The following DGAT2 variants were observed in gnomAD, a reference collection of about 807,000 sequenced individuals.
DGAT2 encodes diacylglycerol O-acyltransferase 2, also known as acyl-CoA retinol O-fatty-acyltransferase.
DGAT2 carries 33 observed loss-of-function variants against 48.4 expected under a neutral mutation model. That is an observed-to-expected ratio of 0.68 (90% confidence interval 0.52 to 0.91). The LOEUF (loss-of-function observed/expected upper bound fraction) is 0.91. Among genes scored for constraint, DGAT2 ranks in the 40% least tolerant of loss-of-function variants. The pLI is 0.00. For missense variants in DGAT2, 446 were observed against 493.7 expected (o/e 0.90, Z 0.92); for synonymous variants, 191 against 194.1 (o/e 0.98, Z 0.13).
rs751170160 is a variant in DGAT2, at chr11:75,786,071, TTA to T, written c.250+1331_250+1332del. 2.6e-5 allele frequency among the ~76,000 whole-genome samples: 4 copies of T among 152,080 alleles called. No homozygotes were observed. The South Asian group carries it at 8.3e-4, about 32-fold the overall frequency. On this transcript the variant is annotated intron_variant, in intron 2 of 7. Coordinates refer to ENST00000228027, the MANE Select transcript of DGAT2 (RefSeq NM_032564.5). ...TGAACCCTTAAAATTAGATGCAAGA[TTA>T]TATATGAGTATGTGCACATTTTTCT... is the stretch of plus-strand genomic sequence containing the variant.
rs1945058108 is a variant in DGAT2, at chr11:75,796,602, T to A, written c.634+70T>A. 5.3e-6 allele frequency: 8 copies of A among 1,504,376 alleles called. No individual in the cohort carries two copies. In the South Asian group the frequency reaches 1.0e-4, roughly 19 times the overall value. 93.2% of individuals were successfully genotyped at this position (1,504,376 alleles called of 1,614,324 possible). ...GCCTGAGCCTCTCCATCGGGCAGGG[T>A]GACACAGGGAGCCAACACACCATTC... On this transcript the variant is annotated intron_variant, in intron 5 of 7. Transcript: ENST00000228027.
chr11:75,797,824 G>A (rs1004816696), intron 6 of DGAT2, among the ~76,000 whole-genome samples: 14 of 152,196 alleles, frequency 9.2e-5, no homozygotes, highest in Non-Finnish European at 1.9e-4. Context: ...GGGTGGGGGA[G>A]GGTAGAGGGA....
At chr11:75,775,078 G>A (rs933299148) in intron 1 of DGAT2, among the ~76,000 whole-genome samples, 3 of 152,240 alleles carry the variant, frequency 2.0e-5, no homozygotes, top group Non-Finnish European at 2.9e-5. Flanking sequence ...GGAGTAGCCC[G>A]AGGATGGGCT....
In DGAT2 at chr11:75,779,906, C is replaced by A. The variant is rs115169110; in HGVS notation, c.122-4712C>A. ...CCCAGTCTAACTTGGGCATCCAGGC[C>A]TATAGCTGCCTCTGAGGCTGCTCTG... is the stretch of plus-strand genomic sequence containing the variant. On this transcript the variant is annotated intron_variant, in intron 1 of 7. Transcript: ENST00000228027. Among the ~76,000 whole-genome samples, 999 of 152,238 alleles carry A rather than the reference C, an allele frequency of 6.6e-3. 16 individuals are homozygous for A. The highest frequency in any genetic ancestry group is 0.021 in the African/African-American group (873 of 41,516).
intron 7 of DGAT2, among the ~76,000 whole-genome samples, chr11:75,799,833 G>A (rs1555063595): frequency 6.6e-6 from 1 of 151,956 alleles, no homozygotes; most frequent in Non-Finnish European, 1.5e-5. Flanking sequence ...ACCCAGGCTG[G>A]TCTTGAACTC....
chr11:75,796,597 C>T, intron 5 of DGAT2, 65 bp downstream of exon 5: 1 of 1,498,552 alleles, frequency 6.7e-7, no homozygotes, highest in Non-Finnish European at 9.1e-7. Flanking sequence ...CTCCATCGGG[C>T]AGGGTGACAC....
At chr11:75,785,288 A>G (rs1056887217) in intron 2 of DGAT2, among the ~76,000 whole-genome samples, 2 of 152,154 alleles carry the variant, frequency 1.3e-5, no homozygotes, top group African/African-American at 4.8e-5. Flanking sequence ...AGGATTGAAG[A>G]TAAGAAATGA....
At chr11:75,786,960 T>C (rs1348590363) in intron 2 of DGAT2, among the ~76,000 whole-genome samples, 1 of 152,224 alleles carries the variant, frequency 6.6e-6, no homozygotes, top group Non-Finnish European at 1.5e-5. Context: ...TTAAAAAAGC[T>C]GATTAGACAT....
At chr11:75,780,827 C>G (rs953699571) in intron 1 of DGAT2, among the ~76,000 whole-genome samples, 6 of 152,242 alleles carry the variant, frequency 3.9e-5, no homozygotes, top group Non-Finnish European at 8.8e-5. Flanking sequence ...GTGCCAAACT[C>G]ACAGGAGTCC....
chr11:75,800,637 C>T lies in DGAT2; in HGVS notation c.*129C>T, dbSNP rs1945103832. The T allele has an allele frequency of 6.1e-6, 7 of 1,148,110 alleles. No homozygotes were observed. Among genetic ancestry groups the T allele is most frequent in the Non-Finnish European group, 7.2e-6 (6 of 830,482 alleles). 71.1% of individuals were successfully genotyped at this position (1,148,110 alleles called of 1,614,324 possible). The stretch of plus-strand genomic sequence containing the variant: ...TTATAACAATTTTGCTAAACCATTA[C>T]AATGTTAGGTCTTTTTTAAGAAGGA... On this transcript the variant is annotated 3_prime_UTR_variant, in exon 8 of 8. Transcript: ENST00000228027.
chr11:75,777,566 T>C (rs1010472223), intron 1 of DGAT2, among the ~76,000 whole-genome samples: 1 of 152,184 alleles, frequency 6.6e-6, no homozygotes, highest in East Asian at 1.9e-4. Context: ...TTAGCCCCAC[T>C]GTATAGATGA....
chr11:75,780,119 G>T (rs1393271835), intron 1 of DGAT2, among the ~76,000 whole-genome samples: 3 of 152,206 alleles, frequency 2.0e-5, no homozygotes, highest in Non-Finnish European at 4.4e-5. Context: ...TAGGAGCAGG[G>T]ACTTGGCTGG....
In DGAT2 at chr11:75,798,279, G is replaced by T; in HGVS notation, c.862G>T (p.Val288Leu). ...SFGENEVYKQ[V>L]IFEEGSWGRW... is the part of the protein sequence containing the mutation. The stretch of plus-strand genomic sequence containing the variant: ...TGGAGAGAATGAAGTGTACAAGCAG[G>T]TGATCTTCGAGGAGGGCTCCTGGGG... The change falls in exon 7 of 8, where the codon GTG becomes TTG. Residue 288 changes from valine (V) to leucine (L), a missense_variant. Coordinates refer to ENST00000228027, the MANE Select transcript of DGAT2 (RefSeq NM_032564.5). 1 of 1,614,202 alleles carries T rather than the reference G, an allele frequency of 6.2e-7. No individual in the cohort carries two copies. The highest frequency in any genetic ancestry group is 8.5e-7 in the Non-Finnish European group (1 of 1,180,030).
chr11:75,773,679 G>A (rs888682003), intron 1 of DGAT2: 4 of 152,328 alleles, frequency 2.6e-5, no homozygotes, highest in African/African-American at 9.6e-5. Context: ...GACTTGGGGT[G>A]TGGACCCTTC....
chr11:75,797,337 G>A lies in DGAT2; in HGVS notation c.809+5G>A, dbSNP rs754175170. On this transcript the variant is annotated splice_donor_5th_base_variant and intron_variant, in intron 6 of 7. Coordinates refer to ENST00000228027, the MANE Select transcript of DGAT2 (RefSeq NM_032564.5). ...GAAACTGGCCCTGCGTCATGGGTGA[G>A]TGCCTCCCTACACACACACACACCC... 4 of 1,477,544 alleles carry A rather than the reference G, an allele frequency of 2.7e-6. No individual in the cohort carries two copies. In the Admixed American group the frequency reaches 8.8e-5, roughly 32 times the overall value. 91.5% of individuals were successfully genotyped at this position (1,477,544 alleles called of 1,614,324 possible).
rs149770132 is a variant in DGAT2, at chr11:75,797,346, TACAC to T, written c.809+25_809+28del. The T allele has an allele frequency of 8.3e-6, 12 of 1,440,698 alleles. No homozygotes were observed. The highest frequency in any genetic ancestry group is 3.0e-5 in the South Asian group (2 of 67,178). The allele number at this position is 1,440,698 out of a possible 1,614,324, so 89.2% of individuals were successfully genotyped here. ...CCTGCGTCATGGGTGAGTGCCTCCC[TACAC>T]ACACACACACCCCTCCAGTGCCCCT... On this transcript the variant is annotated intron_variant, in intron 6 of 7. Transcript: ENST00000228027.
rs1283688200 is a variant in DGAT2 at position 75,769,066 on chromosome 11, C to G, written c.75C>G (p.Arg25=). Residue 25 remains arginine, a synonymous_variant, in exon 1 of 8, where the codon CGC becomes CGG. Transcript: ENST00000228027. ...AGGCCGAGGCTGACCGGAGCCAGCG[C>G]TCTCACGGAGGACCTGCGCTGTCGC... The part of the protein sequence containing the change: ...ERQAEADRSQ[R]SHGGPALSRE... 1.3e-6 allele frequency: 2 copies of G among 1,583,096 alleles called. No individual in the cohort carries two copies. Among genetic ancestry groups the G allele is most frequent in the Non-Finnish European group, 1.7e-6 (2 of 1,167,482 alleles).
chr11:75,785,893 A>G (rs1279790127), intron 2 of DGAT2, among the ~76,000 whole-genome samples: 2 of 152,222 alleles, frequency 1.3e-5, no homozygotes, highest in Non-Finnish European at 2.9e-5. Flanking sequence ...GCTACTGTGA[A>G]GCTCATTAAA....
At chr11:75,796,278 CG>C (rs765076857) in intron 4 of DGAT2, 49 bp from the exon 5 acceptor site, 3 of 1,541,786 alleles carry the variant, frequency 1.9e-6, no homozygotes, top group Non-Finnish European at 2.7e-6. Flanking sequence ...GGGTATGCCC[CG>C]GTATCCCTCT....
Sources: gnomAD v4.1 joint callset for allele counts (sites outside exome capture counted in the v4.1 genomes callset) on GRCh38, gnomAD v4.1.1 for gene constraint, MANE v1.5 for transcripts, NCBI Gene and HGNC (gene_info 2026-07-23, HGNC 2026-07-21) for gene names.